Variants in DPH6 observed in about 807,000 individuals in gnomAD.
DPH6 encodes the protein diphthamine biosynthesis 6.
In DPH6, 33 loss-of-function variants were observed where a neutral mutation model predicts 38.2. That is an observed-to-expected ratio of 0.86 (90% CI 0.65 to 1.15). The LOEUF (loss-of-function observed/expected upper bound fraction) is 1.15, where lower values mean the gene tolerates loss of function less well. Among genes scored for constraint, DPH6 ranks in the 50% most tolerant of loss-of-function variants. The pLI, the probability that DPH6 is intolerant of heterozygous loss-of-function variation, is 0.00. For synonymous variants in DPH6, 108 were observed against 103.0 expected (o/e 1.05, Z -0.30); for missense variants, 325 against 320.0 (o/e 1.02, Z -0.12).
At chr15:35,535,147 A>C (rs2055150178) in intron 3 of DPH6, among the ~76,000 whole-genome samples, 1 of 152,256 alleles carries the variant, frequency 6.6e-6, no homozygotes, top group East Asian at 1.9e-4. Flanking sequence ...ACAACACTCA[A>C]TACAGCATTA....
chr15:35,418,059 C>A (rs1437779968), intron 5 of DPH6, among the ~76,000 whole-genome samples: 1 of 151,980 alleles, frequency 6.6e-6, no homozygotes, highest in East Asian at 1.9e-4. Flanking sequence ...AAAGATTTTT[C>A]TTTTTTAAAT....
intron 3 of DPH6, chr15:35,237,629 G>C: frequency 6.2e-7 from 1 of 1,610,798 alleles, no homozygotes; most frequent in Non-Finnish European, 8.5e-7. Context: ...CAAAATTAAA[G>C]ACCTCAGCAC....
intron 3 of DPH6, among the ~76,000 whole-genome samples, chr15:35,267,909 G>A (rs1380585759): frequency 7.9e-5 from 12 of 152,218 alleles, no homozygotes; most frequent in Admixed American, 7.2e-4. Context: ...GGTGGCTCAC[G>A]TCTGTAATCC....
At chr15:35,193,574 GA>G in the DPH6 span, among the ~76,000 whole-genome samples, 28 of 152,210 alleles carry the variant, frequency 1.8e-4, no homozygotes, top group Non-Finnish European at 3.5e-4. Context: ...AGAACAGGGA[GA>G]AAGTGTTTTC....
Position 35,381,809 on chromosome 15 carries a change from A to G in DPH6, c.662+13T>C, listed in dbSNP as rs72703167. 2.3e-3 allele frequency: 3,629 copies of G among 1,595,978 alleles called. 6 individuals carry two copies. Among genetic ancestry groups the G allele is most frequent in the Non-Finnish European group, 2.6e-3 (3,058 of 1,165,278 alleles). On this transcript the variant is annotated intron_variant, in intron 7 of 8. Coordinates refer to ENST00000256538, the MANE Select transcript of DPH6 (RefSeq NM_080650.4). ...TTATGGGAAAAAAAGAAAATGCTGA[A>G]ATGATATCTTACACAATTATTTTCT...
chr15:35,224,441 A>T (rs1310158406), intron 3 of DPH6, among the ~76,000 whole-genome samples: 1 of 152,130 alleles, frequency 6.6e-6, no homozygotes, highest in Non-Finnish European at 1.5e-5. Flanking sequence ...CGTTGGATGG[A>T]TGTACTAAAG....
intron 3 of DPH6, 90 bp from the exon 4 acceptor site, chr15:35,454,910 C>T: frequency 4.1e-6 from 4 of 970,276 alleles, no homozygotes; most frequent in Non-Finnish European, 4.6e-6. Flanking sequence ...AACTGTGTCT[C>T]ATCTAGAAAA....
chr15:35,491,464 C>T (rs1039691516), intron 3 of DPH6, among the ~76,000 whole-genome samples: 2 of 151,292 alleles, frequency 1.3e-5, no homozygotes, highest in Non-Finnish European at 2.9e-5. Flanking sequence ...GTGGCACTGT[C>T]GGTTAATCAT....
chr15:35,515,773 C>G (rs1223404007), intron 3 of DPH6, among the ~76,000 whole-genome samples: 1 of 150,806 alleles, frequency 6.6e-6, no homozygotes, highest in Non-Finnish European at 1.5e-5. Flanking sequence ...TGGCACTCAC[C>G]TGTAGTTCCA....
intron 5 of DPH6, among the ~76,000 whole-genome samples, chr15:35,427,021 TAA>T (rs67109450): frequency 1.0e-4 from 15 of 145,796 alleles, no homozygotes; most frequent in African/African-American, 1.5e-4. Context: ...AAAAAAAAGA[TAA>T]AAAAAAAGAC....
the DPH6 span, among the ~76,000 whole-genome samples, chr15:35,177,892 A>C: frequency 6.6e-6 from 1 of 152,064 alleles, no homozygotes; most frequent in Non-Finnish European, 1.5e-5. Flanking sequence ...TGGTGAGCTG[A>C]GATGATGCCA....
At chr15:35,282,399 G>A (rs2051905002) in intron 3 of DPH6, among the ~76,000 whole-genome samples, 1 of 152,116 alleles carries the variant, frequency 6.6e-6, no homozygotes, top group African/African-American at 2.4e-5. Flanking sequence ...GGCTGGTCTT[G>A]AACTCCTGGC....
At chr15:35,451,013 T>C (rs2053926426) in intron 4 of DPH6, among the ~76,000 whole-genome samples, 1 of 152,124 alleles carries the variant, frequency 6.6e-6, no homozygotes, top group African/African-American at 2.4e-5. Context: ...AAAAATGAAA[T>C]TTCCAGGCAC....
intron 3 of DPH6, among the ~76,000 whole-genome samples, chr15:35,494,111 G>A (rs138809557): frequency 1.7e-3 from 256 of 152,170 alleles, no homozygotes; most frequent in African/African-American, 5.9e-3. Flanking sequence ...ATAGTATTAT[G>A]AGAATTATTT....
intron 3 of DPH6, chr15:35,489,273 T>C (rs1025493893): frequency 1.1e-6 from 1 of 940,406 alleles, no homozygotes; most frequent in Non-Finnish European, 1.3e-6. Flanking sequence ...TGGGAAAACC[T>C]GTCTATTCAA....
chr15:35,414,414 C>T (rs768134325), intron 5 of DPH6, among the ~76,000 whole-genome samples: 2 of 151,720 alleles, frequency 1.3e-5, no homozygotes, highest in Non-Finnish European at 2.9e-5. Context: ...GTACCTATGA[C>T]ACAATTTTCA....
At chr15:35,261,154 C>T (rs2051743857) in intron 3 of DPH6, among the ~76,000 whole-genome samples, 1 of 152,178 alleles carries the variant, frequency 6.6e-6, no homozygotes, top group South Asian at 2.1e-4. Context: ...TAATGAGATG[C>T]CCCAAACACA....
At chr15:35,297,845 C>G (rs995056150) in intron 3 of DPH6, among the ~76,000 whole-genome samples, 9 of 151,928 alleles carry the variant, frequency 5.9e-5, no homozygotes, top group African/African-American at 2.2e-4. Context: ...TCCTTCCCTA[C>G]ACTTCTCCAT....
At chr15:35,195,061 C>G in the DPH6 span, among the ~76,000 whole-genome samples, 1 of 152,128 alleles carries the variant, frequency 6.6e-6, no homozygotes, top group East Asian at 1.9e-4. Context: ...CTCTCTTTAT[C>G]CACCCCTTTC....
Sources: gnomAD v4.1 joint callset for allele counts (sites outside exome capture counted in the v4.1 genomes callset) on GRCh38, gnomAD v4.1.1 for gene constraint, MANE v1.5 for transcripts, NCBI Gene and HGNC (gene_info 2026-07-23, HGNC 2026-07-21) for gene names.